The following RNF138 variants were observed in gnomAD, a reference collection of about 807,000 sequenced individuals.
The protein encoded by RNF138 is ring finger protein 138, also known as E3 ubiquitin-protein ligase RNF138.
In RNF138, 12 loss-of-function variants were observed where a neutral mutation model predicts 31.0. The ratio of observed to expected loss-of-function variants is 0.39; its 90% confidence interval spans 0.25 to 0.63. The LOEUF (loss-of-function observed/expected upper bound fraction) is 0.63, where lower values mean the gene tolerates loss of function less well. RNF138 is among the 20% of genes least tolerant of loss of function. The pLI, the probability that RNF138 is intolerant of heterozygous loss-of-function variation, is 0.52. For synonymous variants in RNF138, 105 were observed against 99.5 expected (o/e 1.06, Z -0.33); for missense variants, 192 against 300.1 (o/e 0.64, Z 2.66).
chr18:32,098,831 C>T (rs1489428838), intron 2 of RNF138, among the ~76,000 whole-genome samples: 3 of 142,736 alleles, frequency 2.1e-5, no homozygotes, highest in South Asian at 2.2e-4. Context: ...CCAGCCCGGG[C>T]GACAGAGTGA....
At chr18:32,116,721 T>G (rs1476212770) in intron 4 of RNF138, among the ~76,000 whole-genome samples, 1 of 150,776 alleles carries the variant, frequency 6.6e-6, no homozygotes, top group Non-Finnish European at 1.5e-5. Flanking sequence ...CCATCTAATT[T>G]TTTGATTTTT....
chr18:32,092,783 G>A lies in RNF138; in HGVS notation c.7G>A (p.Glu3Lys), dbSNP rs1289349465. The change falls in exon 2 of 8, where the codon GAG becomes AAG. Residue 3 changes from glutamate to lysine, a missense_variant. By Grantham distance (56) the Glu-to-Lys change is moderately conservative. Around this residue, in one of 2 missense-constraint regions of RNF138, gnomAD observed 52 missense variants for 48.4 expected, o/e 1.07. Coordinates refer to ENST00000261593, the MANE Select transcript of RNF138 (RefSeq NM_016271.5). The part of the protein sequence containing the change: MA[E>K]DLSAATSYTE... ...TGTTTCCCCATCCCCCGCCATGGCCGAGGACCTCTCTGCGGCCACGTCCTA... is the reference window on the plus strand; with the variant it reads ...TGTTTCCCCATCCCCCGCCATGGCCAAGGACCTCTCTGCGGCCACGTCCTA... The A allele has an allele frequency of 3.2e-6, 5 of 1,580,470 alleles. No individual in the cohort carries two copies. In the South Asian group the frequency reaches 4.6e-5, roughly 15 times the overall value.
chr18:32,106,858 G>A (rs567137489), intron 2 of RNF138, among the ~76,000 whole-genome samples: 55 of 151,736 alleles, frequency 3.6e-4, no homozygotes, highest in Non-Finnish European at 6.9e-4. Context: ...GAGCCACCGC[G>A]CCCGGCTGAA....
At chr18:32,121,974 T>C (rs952482762) in intron 4 of RNF138, among the ~76,000 whole-genome samples, 2 of 152,134 alleles carry the variant, frequency 1.3e-5, no homozygotes, top group African/African-American at 2.4e-5. Context: ...TTTCAAGCGA[T>C]TCTCATGCCT....
chr18:32,093,592 C>T (rs28574941), intron 2 of RNF138, among the ~76,000 whole-genome samples: 12,555 of 152,188 alleles, frequency 0.082, 937 homozygotes, highest in East Asian at 0.24. Flanking sequence ...TTTCTGCTTA[C>T]TTATTACTTG....
chr18:32,098,138 C>A (rs2039848668), intron 2 of RNF138, among the ~76,000 whole-genome samples: 1 of 151,848 alleles, frequency 6.6e-6, no homozygotes, highest in Non-Finnish European at 1.5e-5. Flanking sequence ...AGGCGTGCAC[C>A]ATCACGCCCT....
At position 32,092,897 on chromosome 18, in the gene RNF138, GCCCCCT is replaced by G; in HGVS notation, c.110+19_110+24del. 1.4e-6 allele frequency: 2 copies of G among 1,463,426 alleles called. No individual in the cohort carries two copies. The highest frequency in any genetic ancestry group is 1.8e-6 in the Non-Finnish European group (2 of 1,084,138). The allele number at this position is 1,463,426 out of a possible 1,614,324, so 90.7% of individuals were successfully genotyped here. On this transcript the variant is annotated intron_variant, in intron 2 of 7. Coordinates refer to ENST00000261593, the MANE Select transcript of RNF138 (RefSeq NM_016271.5). The stretch of plus-strand genomic sequence containing the variant: ...GGCCTGTCAGCACGTGTGAGTAGAC[GCCCCCT>G]CCCCCTCGCGGAGCCGGGTTGTCGC...
At chr18:32,093,550 G>T (rs1267652740) in intron 2 of RNF138, among the ~76,000 whole-genome samples, 1 of 152,150 alleles carries the variant, frequency 6.6e-6, no homozygotes, top group Non-Finnish European at 1.5e-5. Context: ...GGATTTTCGG[G>T]CATTGAAATG....
At chr18:32,100,415 A>G (rs2039910109) in intron 2 of RNF138, among the ~76,000 whole-genome samples, 1 of 147,272 alleles carries the variant, frequency 6.8e-6, no homozygotes. Context: ...ATCCCCCTTT[A>G]GCCTTCCCAG....
intron 2 of RNF138, among the ~76,000 whole-genome samples, chr18:32,097,538 C>A (rs1322615673): frequency 6.6e-6 from 1 of 151,990 alleles, no homozygotes; most frequent in Non-Finnish European, 1.5e-5. Flanking sequence ...GGCTGGAGTG[C>A]AGTGGTGGGA....
intron 2 of RNF138, among the ~76,000 whole-genome samples, chr18:32,104,569 T>C (rs1165590155): frequency 6.6e-6 from 1 of 151,826 alleles, no homozygotes; most frequent in Non-Finnish European, 1.5e-5. Context: ...ACAATAAGAG[T>C]ACAGGGAGGT....
intron 2 of RNF138, among the ~76,000 whole-genome samples, chr18:32,106,861 C>G (rs867095690): frequency 2.0e-5 from 3 of 151,674 alleles, no homozygotes; most frequent in Non-Finnish European, 2.9e-5. Context: ...CCACCGCGCC[C>G]GGCTGAAAAA....
At chr18:32,095,499 G>A (rs1041667565) in intron 2 of RNF138, among the ~76,000 whole-genome samples, 1 of 152,112 alleles carries the variant, frequency 6.6e-6, no homozygotes, top group Non-Finnish European at 1.5e-5. Flanking sequence ...AGTTATCTAT[G>A]TCATTTGCTC....
intron 2 of RNF138, among the ~76,000 whole-genome samples, chr18:32,106,356 G>A (rs1290815096): frequency 1.3e-5 from 2 of 152,134 alleles, no homozygotes; most frequent in East Asian, 3.9e-4. Flanking sequence ...GATACAAAAT[G>A]ATTTAATATC....
At chr18:32,095,229 G>A (rs551480491) in intron 2 of RNF138, among the ~76,000 whole-genome samples, 1 of 152,102 alleles carries the variant, frequency 6.6e-6, no homozygotes, top group Non-Finnish European at 1.5e-5. Flanking sequence ...GAGTGCAGTG[G>A]TGTGATCATG....
chr18:32,102,790 G>A (rs780778782), intron 2 of RNF138, among the ~76,000 whole-genome samples: 2 of 151,798 alleles, frequency 1.3e-5, no homozygotes, highest in African/African-American at 2.4e-5. Flanking sequence ...GCAACACCAC[G>A]CCCAGCTAAT....
chr18:32,095,747 C>T (rs559912096), intron 2 of RNF138, among the ~76,000 whole-genome samples: 376 of 152,304 alleles, frequency 2.5e-3, no homozygotes, highest in African/African-American at 8.6e-3. Context: ...AAAATATAAA[C>T]TCCCGTTTAA....
At chr18:32,122,231 TGTTATCTTCACAGAA>T (rs1261216513) in intron 4 of RNF138, among the ~76,000 whole-genome samples, 6 of 152,284 alleles carry the variant, frequency 3.9e-5, no homozygotes, top group African/African-American at 1.4e-4. Flanking sequence ...GAGATAACAT[TGTTATCTTCACAGAA>T]GTGAACTGAG....
At chr18:32,129,015 TG>T in intron 7 of RNF138, 103 bp from the exon 8 acceptor site, 1 of 730,758 alleles carries the variant, frequency 1.4e-6, no homozygotes, top group Non-Finnish European at 2.5e-6. Flanking sequence ...GTGTGTAATG[TG>T]TGTCAAGATG....
Sources: gnomAD v4.1 joint callset for allele counts (sites outside exome capture counted in the v4.1 genomes callset) on GRCh38, gnomAD v4.1.1 for gene constraint, gnomAD v4.1.1 regional missense constraint, MANE v1.5 for transcripts, NCBI Gene and HGNC (gene_info 2026-07-23, HGNC 2026-07-21) for gene names.